EPM2A: variants seen among roughly 807,000 people sequenced by gnomAD.
EPM2A encodes the protein laforin.
In EPM2A, 21 loss-of-function variants were observed where a neutral mutation model predicts 26.5. The ratio of observed to expected loss-of-function variants is 0.79; its 90% CI spans 0.56 to 1.14. EPM2A has a LOEUF of 1.14. EPM2A is among the 50% of genes most tolerant of loss of function. EPM2A has a pLI of 0.00. For synonymous variants in EPM2A, 217 were observed against 177.6 expected, an observed-to-expected ratio of 1.22 and a Z score of -1.76; for missense variants, 458 against 440.8, an observed-to-expected ratio of 1.04 and a Z score of -0.35.
chr6:145,407,374 A>G (rs753533304), intron 4 of EPM2A, among the ~76,000 whole-genome samples: 10 of 152,300 alleles, frequency 6.6e-5, no homozygotes, highest in Non-Finnish European at 1.5e-4. Flanking sequence ...GACTCCTGTC[A>G]GGGCCTACTT....
At chr6:145,388,952 T>C (rs778149972) in intron 4 of EPM2A, among the ~76,000 whole-genome samples, 3 of 151,848 alleles carry the variant, frequency 2.0e-5, no homozygotes, top group Non-Finnish European at 4.4e-5. Context: ...TTTGCTATTG[T>C]AAACAGTGCT....
At chr6:145,462,109 T>C (rs182003782) in intron 4 of EPM2A, among the ~76,000 whole-genome samples, 12 of 152,318 alleles carry the variant, frequency 7.9e-5, no homozygotes, top group African/African-American at 2.6e-4. Flanking sequence ...TGAGTACATA[T>C]TCACTACCAT....
intron 1 of EPM2A, among the ~76,000 whole-genome samples, chr6:145,700,873 G>C (rs1159702359): frequency 6.6e-6 from 1 of 152,134 alleles, no homozygotes; most frequent in Non-Finnish European, 1.5e-5. Context: ...AGCTGATCTA[G>C]TTCTGCTGCA....
intron 2 of EPM2A, among the ~76,000 whole-genome samples, chr6:145,567,322 T>G (rs907268348): frequency 6.6e-6 from 1 of 152,238 alleles, no homozygotes; most frequent in Non-Finnish European, 1.5e-5. Flanking sequence ...ATATTTTTTA[T>G]ACTGTCTTAG....
chr6:145,403,574 A>G (rs926836531), intron 4 of EPM2A, among the ~76,000 whole-genome samples: 25 of 152,128 alleles, frequency 1.6e-4, no homozygotes, highest in African/African-American at 5.6e-4. Context: ...AGTTCCGTCC[A>G]TGTTGTTGTA....
At chr6:145,708,229 G>C (rs1019990069) in intron 1 of EPM2A, among the ~76,000 whole-genome samples, 3 of 152,166 alleles carry the variant, frequency 2.0e-5, no homozygotes, top group Non-Finnish European at 4.4e-5. Context: ...CAATAGAAAA[G>C]AAAAACGCAT....
At chr6:145,708,639 T>C (rs1782362801) in intron 1 of EPM2A, among the ~76,000 whole-genome samples, 1 of 152,224 alleles carries the variant, frequency 6.6e-6, no homozygotes, top group Non-Finnish European at 1.5e-5. Flanking sequence ...ATGAAAAGCC[T>C]GGATGCCCAG....
At chr6:145,557,368 A>G (rs1780741305) in intron 2 of EPM2A, among the ~76,000 whole-genome samples, 1 of 152,106 alleles carries the variant, frequency 6.6e-6, no homozygotes, top group Non-Finnish European at 1.5e-5. Flanking sequence ...TCCATGTAAT[A>G]AAACTCTTCT....
At chr6:145,396,486 A>G (rs1778407055) in intron 4 of EPM2A, among the ~76,000 whole-genome samples, 1 of 152,244 alleles carries the variant, frequency 6.6e-6, no homozygotes, top group African/African-American at 2.4e-5. Flanking sequence ...ACCTTCATAC[A>G]GAATCTGACC....
chr6:145,669,346 T>C (rs1779479423), intron 2 of EPM2A, among the ~76,000 whole-genome samples: 1 of 152,212 alleles, frequency 6.6e-6, no homozygotes, highest in African/African-American at 2.4e-5. Flanking sequence ...TACTGGTTTT[T>C]AACTGAACCT....
At chr6:145,735,525 G>A (rs1057524326), upstream of EPM2A, 6 of 1,172,296 alleles carry the variant, frequency 5.1e-6, no homozygotes, top group East Asian at 2.3e-4. Context: ...GCGAATACCC[G>A]GGCCCGGAGT....
Position 145,626,747 on chromosome 6 carries a change from A to G in EPM2A, c.*669T>C. 1 of 986,074 alleles carries G rather than the reference A, an allele frequency of 1.0e-6. No homozygotes were observed. The highest frequency in any genetic ancestry group is 1.2e-6 in the Non-Finnish European group (1 of 830,436). 61.1% of individuals were successfully genotyped at this position (986,074 alleles called of 1,614,324 possible). A position where few individuals can be genotyped will look rare whatever the true frequency, so the allele number is the denominator to read the frequency against. ...CATCTCAACTATAAAAAACAAGGGT[A>G]TTTTTTGCTTTGTTTGGTAATTTTG... On this transcript the variant is annotated 3_prime_UTR_variant, in exon 4 of 4. Coordinates refer to ENST00000367519, the MANE Select transcript of EPM2A (RefSeq NM_005670.4).
At chr6:145,609,464 A>T (rs2128551708) in intron 2 of EPM2A, among the ~76,000 whole-genome samples, 1 of 152,302 alleles carries the variant, frequency 6.6e-6, no homozygotes, top group South Asian at 2.1e-4. Context: ...TTTATACCTA[A>T]TCAAGACAGT....
intron 2 of EPM2A, among the ~76,000 whole-genome samples, chr6:145,583,802 G>A (rs1267752693): frequency 6.6e-6 from 1 of 152,230 alleles, no homozygotes; most frequent in Non-Finnish European, 1.5e-5. Context: ...AGGGATGCCT[G>A]TATCCGTGCA....
intron 2 of EPM2A, among the ~76,000 whole-genome samples, chr6:145,554,468 A>G (rs1023624100): frequency 6.6e-6 from 1 of 151,964 alleles, no homozygotes. Context: ...AGATAGATAG[A>G]TACATAGACA....
chr6:145,387,578 T>C (rs1426194395), intron 4 of EPM2A, among the ~76,000 whole-genome samples: 1 of 152,110 alleles, frequency 6.6e-6, no homozygotes, highest in African/African-American at 2.4e-5. Flanking sequence ...CCTTGTCTCC[T>C]TTCTATCTAT....
At chr6:145,459,984 G>T (rs1779309367) in intron 4 of EPM2A, among the ~76,000 whole-genome samples, 1 of 152,122 alleles carries the variant, frequency 6.6e-6, no homozygotes, top group African/African-American at 2.4e-5. Context: ...AAGTTTGGTA[G>T]TTAATACTGA....
rs112297213 is a variant in EPM2A at position 145,406,494 on chromosome 6, T to C, written c.556-22397A>G. Among the ~76,000 whole-genome samples the C allele has an allele frequency of 4.1e-3, 617 of 152,280 alleles. 4 individuals carry two copies. The highest frequency in any genetic ancestry group is 0.014 in the Middle Eastern group (4 of 294). On this transcript the variant is annotated intron_variant, in intron 4 of 4. Transcript: ENST00000638717. Reference sequence around the variant, plus strand: ...CGTGTGAAAGTGGTAGTAAGAATGATGTCTGATAAGGCACTCTGGTGGATG... The same window carrying C: ...CGTGTGAAAGTGGTAGTAAGAATGACGTCTGATAAGGCACTCTGGTGGATG...
At chr6:145,667,817 T>C (rs1435404596) in intron 2 of EPM2A, among the ~76,000 whole-genome samples, 1 of 144,184 alleles carries the variant, frequency 6.9e-6, no homozygotes, top group Non-Finnish European at 1.5e-5. Context: ...ATATACACCA[T>C]GGAATACTAT....
Sources: gnomAD v4.1 joint callset for allele counts (sites outside exome capture counted in the v4.1 genomes callset) on GRCh38, gnomAD v4.1.1 for gene constraint, MANE v1.5 for transcripts, NCBI Gene and HGNC (gene_info 2026-07-23, HGNC 2026-07-21) for gene names.